Variants in ZDHHC15 observed in about 807,000 individuals in gnomAD.
ZDHHC15 encodes zDHHC palmitoyltransferase 15.
ZDHHC15 carries 19 observed loss-of-function variants against 31.7 expected under a neutral mutation model. The ratio of observed to expected loss-of-function variants is 0.60; its 90% CI spans 0.42 to 0.88. ZDHHC15 has a LOEUF of 0.88. Ranked by LOEUF, ZDHHC15 falls within the 40% of genes least tolerant of loss-of-function variation. The probability of loss-of-function intolerance (pLI) is 0.00; values close to 1 mark genes in which losing one functional copy is unlikely to be tolerated. For missense variants in ZDHHC15, 209 were observed against 251.2 expected (o/e 0.83, Z 1.14); for synonymous variants, 103 against 90.0 (o/e 1.14, Z -0.82).
At chrX:75,488,215 T>C (rs1173339816) in intron 2 of ZDHHC15, among the ~76,000 whole-genome samples, 1 of 111,543 alleles carries the variant, frequency 9.0e-6, no homozygotes, top group Non-Finnish European at 1.9e-5. Flanking sequence ...AGGCATACAG[T>C]TATCAGGTTA....
At chrX:75,505,974 T>C in intron 1 of ZDHHC15, 127 bp from the exon 2 acceptor site, 1 of 583,711 alleles carries the variant, frequency 1.7e-6, no homozygotes, top group Non-Finnish European at 2.8e-6. Context: ...TTTGAGTAAT[T>C]TATATAATAG....
At chrX:75,407,980 A>G (rs1354451704) in intron 10 of ZDHHC15, among the ~76,000 whole-genome samples, 13 of 106,239 alleles carry the variant, frequency 1.2e-4, no homozygotes, top group African/African-American at 3.5e-4. Flanking sequence ...GCGGTGCAAG[A>G]TGTGCTTTGT....
intron 11 of ZDHHC15, among the ~76,000 whole-genome samples, chrX:75,376,196 T>C (rs759253353): frequency 4.5e-5 from 5 of 110,556 alleles, no homozygotes; most frequent in African/African-American, 1.6e-4. Context: ...TGTTGGCTGC[T>C]TGTATGTCTT....
chrX:75,451,829 G>A (rs933283016), intron 3 of ZDHHC15, among the ~76,000 whole-genome samples: 12 of 111,234 alleles, frequency 1.1e-4, no homozygotes, highest in Non-Finnish European at 1.9e-4. Context: ...TGATGTTGCT[G>A]CTAAGAGATT....
At chrX:75,503,913 C>T (rs1198322660) in intron 2 of ZDHHC15, among the ~76,000 whole-genome samples, 4 of 111,064 alleles carry the variant, frequency 3.6e-5, no homozygotes, top group Non-Finnish European at 7.6e-5. Flanking sequence ...AGGTTGCGGG[C>T]AATCCATAGT....
At chrX:75,397,899 C>T (rs970562744) in intron 10 of ZDHHC15, among the ~76,000 whole-genome samples, 6 of 112,152 alleles carry the variant, frequency 5.3e-5, no homozygotes, top group African/African-American at 1.3e-4. Flanking sequence ...CCCACCAGGG[C>T]CTTCAGTCTT....
chrX:75,384,360 G>C (rs891207730), intron 10 of ZDHHC15: 4 of 982,816 alleles, frequency 4.1e-6, no homozygotes, highest in Non-Finnish European at 5.7e-6. Context: ...CGAACACAAA[G>C]GGAAAGAGGA....
At chrX:75,399,718 C>T (rs1008688646) in intron 10 of ZDHHC15, among the ~76,000 whole-genome samples, 53 of 111,390 alleles carry the variant, frequency 4.8e-4, no homozygotes, top group African/African-American at 1.7e-3. Flanking sequence ...GGAGAGGAAC[C>T]TTCACTTTCA....
At chrX:75,494,603 G>A (rs1457994201) in intron 2 of ZDHHC15, among the ~76,000 whole-genome samples, 1 of 111,671 alleles carries the variant, frequency 9.0e-6, no homozygotes, top group Admixed American at 9.5e-5. Flanking sequence ...CAATGGAACA[G>A]AACAGAGCCC....
At chrX:75,498,785 C>T (rs1480504476) in intron 2 of ZDHHC15, among the ~76,000 whole-genome samples, 1 of 111,300 alleles carries the variant, frequency 9.0e-6, no homozygotes, top group Non-Finnish European at 1.9e-5. Context: ...GAAAAAAATT[C>T]CTGAAATTTG....
intron 4 of ZDHHC15, among the ~76,000 whole-genome samples, chrX:75,438,528 C>T (rs1160149733): frequency 9.0e-6 from 1 of 111,208 alleles, no homozygotes; most frequent in Non-Finnish European, 1.9e-5. Flanking sequence ...TTTTTCACTC[C>T]TGTACCTTAA....
At chrX:75,481,700 G>C (rs1259207032) in intron 2 of ZDHHC15, among the ~76,000 whole-genome samples, 1 of 111,873 alleles carries the variant, frequency 8.9e-6, no homozygotes, top group Non-Finnish European at 1.9e-5. Flanking sequence ...AGGGGCAAGT[G>C]ATTTGATCAG....
At chrX:75,449,924 G>C (rs1382131413) in intron 4 of ZDHHC15, among the ~76,000 whole-genome samples, 1 of 111,880 alleles carries the variant, frequency 8.9e-6, no homozygotes. Context: ...TGAAACCTAA[G>C]AGTAAAATTC....
At chrX:75,427,589 C>T (rs2083729716) in intron 7 of ZDHHC15, among the ~76,000 whole-genome samples, 1 of 111,151 alleles carries the variant, frequency 9.0e-6, no homozygotes, top group Non-Finnish European at 1.9e-5. Context: ...TCAAGGCCGA[C>T]ACTTTCCCTG....
At chrX:75,402,142 T>A (rs1170051471) in intron 10 of ZDHHC15, among the ~76,000 whole-genome samples, 1 of 112,356 alleles carries the variant, frequency 8.9e-6, no homozygotes, top group African/African-American at 3.2e-5. Flanking sequence ...GAATGACTTT[T>A]AGGTAAATAA....
intron 2 of ZDHHC15, among the ~76,000 whole-genome samples, chrX:75,494,508 C>T: frequency 9.0e-6 from 1 of 111,646 alleles, no homozygotes; most frequent in Non-Finnish European, 1.9e-5. Flanking sequence ...AAGCTGGAGG[C>T]ATCATGCTAC....
chrX:75,394,853 AC>A (rs1288301386), intron 10 of ZDHHC15, among the ~76,000 whole-genome samples: 1 of 112,092 alleles, frequency 8.9e-6, no homozygotes, highest in African/African-American at 3.2e-5. Context: ...GATAATATGC[AC>A]CACAGATGAA....
intron 3 of ZDHHC15, among the ~76,000 whole-genome samples, 192 bp from the exon 4 acceptor site, chrX:75,451,114 G>T (rs143655704): frequency 0.011 from 1,267 of 111,784 alleles, 15 homozygotes; most frequent in African/African-American, 0.039. Flanking sequence ...AAAAGCATGA[G>T]ATATGTGTAT....
At chrX:75,518,806 T>TATAC (rs2085403771) in intron 1 of ZDHHC15, among the ~76,000 whole-genome samples, 4 of 22,898 alleles carry the variant, frequency 1.7e-4, no homozygotes, top group African/African-American at 5.3e-4. Flanking sequence ...TATATATATA[T>TATAC]ACACACACAC....
Sources: allele counts gnomAD v4.1 joint callset (sites outside exome capture counted in the v4.1 genomes callset), GRCh38; gene constraint gnomAD v4.1.1; transcripts MANE v1.5; gene names NCBI Gene and HGNC (gene_info 2026-07-23, HGNC 2026-07-21).